Variants in PURG observed in about 807,000 individuals in gnomAD.
The protein encoded by PURG is purine rich element binding protein G, also known as purine-rich element-binding protein gamma.
A neutral mutation model predicts 24.3 loss-of-function variants in PURG; 3 were observed. That is an observed-to-expected ratio of 0.12 (90% CI 0.06 to 0.32). The LOEUF (loss-of-function observed/expected upper bound fraction) is 0.32. PURG is among the 10% of genes least tolerant of loss of function. The probability of loss-of-function intolerance (pLI) is 1.00; values close to 1 mark genes in which losing one functional copy is unlikely to be tolerated. For missense variants in PURG, 371 were observed against 439.1 expected, an observed-to-expected ratio of 0.84 and a Z score of 1.39; for synonymous variants, 180 against 173.1, an observed-to-expected ratio of 1.04 and a Z score of -0.31.
chr8:31,007,721 A>G (rs909314526), intron 1 of PURG, among the ~76,000 whole-genome samples: 3 of 152,176 alleles, frequency 2.0e-5, no homozygotes, highest in Admixed American at 1.3e-4. Flanking sequence ...ATCAAAATCG[A>G]TGGTAGATCT....
chr8:30,996,436 A>G, exon 2 of PURG: 1 of 521,292 alleles, frequency 1.9e-6, no homozygotes, highest in African/African-American at 1.9e-5. Flanking sequence ...ATTATTCAAC[A>G]TAAGATCAGT....
chr8:31,003,049 A>G (rs1201069444), intron 1 of PURG, among the ~76,000 whole-genome samples: 2 of 152,194 alleles, frequency 1.3e-5, no homozygotes, highest in African/African-American at 2.4e-5. Context: ...TCTGGGTTAA[A>G]TTATACCAAC....
Position 31,032,789 on chromosome 8 carries a change from C to T in PURG, c.-6-1G>A. 1 of 1,417,638 alleles carries T rather than the reference C, an allele frequency of 7.1e-7. No homozygotes were observed. Among genetic ancestry groups the T allele is most frequent in the Non-Finnish European group, 9.2e-7 (1 of 1,082,194 alleles). 87.8% of individuals were successfully genotyped at this position (1,417,638 alleles called of 1,614,324 possible). ...TTCGCCTGGCTCTTTCCATCTTCAGCTGCAAGTAACAAACAGACACACGGG... is the reference window on the plus strand; with the variant it reads ...TTCGCCTGGCTCTTTCCATCTTCAGTTGCAAGTAACAAACAGACACACGGG... On this transcript the variant is annotated splice_acceptor_variant, in intron 1 of 1. Coordinates refer to ENST00000523392, the MANE Select transcript of PURG (RefSeq NM_001323311.2). LOFTEE classifies it low-confidence loss of function (5UTR_SPLICE). The surrounding 1 kb of genome is among the most constrained non-coding windows in gnomAD (Gnocchi z 5.9).
In PURG at chr8:31,032,795, G is replaced by T; in HGVS notation, c.-6-7C>A. Reference sequence around the variant, plus strand: ...TGGCTCTTTCCATCTTCAGCTGCAAGTAACAAACAGACACACGGGATGGGG... The same window carrying T: ...TGGCTCTTTCCATCTTCAGCTGCAATTAACAAACAGACACACGGGATGGGG... On this transcript the variant is annotated splice_region_variant and splice_polypyrimidine_tract_variant and intron_variant, in intron 1 of 1. Coordinates refer to ENST00000523392, the MANE Select transcript of PURG (RefSeq NM_001323311.2). This position sits in a 1 kb window ranked among gnomAD's most constrained non-coding sequence, Gnocchi z 5.9. 1 of 1,411,732 alleles carries T rather than the reference G, an allele frequency of 7.1e-7. No individual in the cohort carries two copies. The highest frequency in any genetic ancestry group is 2.9e-5 in the Admixed American group (1 of 34,350). The allele number at this position is 1,411,732 out of a possible 1,614,324, so 87.5% of individuals were successfully genotyped here.
intron 1 of PURG, among the ~76,000 whole-genome samples, chr8:31,021,672 T>A (rs1237452592): frequency 1.3e-5 from 2 of 152,184 alleles, no homozygotes; most frequent in Non-Finnish European, 2.9e-5. Flanking sequence ...CAGTTTGGCC[T>A]AACTGAACGG....
chr8:31,014,726 T>C (rs752813539), intron 1 of PURG, among the ~76,000 whole-genome samples: 3 of 152,156 alleles, frequency 2.0e-5, no homozygotes, highest in Non-Finnish European at 2.9e-5. Context: ...AGTGTTATGG[T>C]AAAACAGTCT....
intron 1 of PURG, among the ~76,000 whole-genome samples, chr8:31,003,050 T>C (rs1810570352): frequency 6.6e-6 from 1 of 152,228 alleles, no homozygotes; most frequent in African/African-American, 2.4e-5. Context: ...CTGGGTTAAA[T>C]TATACCAACA....
intron 1 of PURG, among the ~76,000 whole-genome samples, chr8:31,009,750 G>C (rs2725376): frequency 0.78 from 118,150 of 152,232 alleles, 46,893 homozygotes; most frequent in African/African-American, 0.95. Context: ...CAACTGTAAT[G>C]ATGGTACTGA....
In PURG at chr8:31,032,820, G is replaced by GT; in HGVS notation, c.-6-33dup. Reference sequence around the variant, plus strand: ...GTAACAAACAGACACACGGGATGGGGTGGGGGAGGGGTGTTGAGAACAATC... The same window carrying GT: ...GTAACAAACAGACACACGGGATGGGGTTGGGGGAGGGGTGTTGAGAACAATC... On this transcript the variant is annotated intron_variant, in intron 1 of 1. Coordinates refer to ENST00000523392, the MANE Select transcript of PURG (RefSeq NM_001323311.2). This position sits in a 1 kb window ranked among gnomAD's most constrained non-coding sequence, Gnocchi z 5.9. 2 of 1,356,322 alleles carry GT rather than the reference G, an allele frequency of 1.5e-6. No individual in the cohort carries two copies. Among genetic ancestry groups the GT allele is most frequent in the Non-Finnish European group, 1.9e-6 (2 of 1,049,382 alleles). The allele number at this position is 1,356,322 out of a possible 1,614,324, so 84.0% of individuals were successfully genotyped here. A position where few individuals can be genotyped will look rare whatever the true frequency, so the allele number is the denominator to read the frequency against.
At chr8:31,017,839 G>T (rs917049283) in intron 1 of PURG, among the ~76,000 whole-genome samples, 2 of 152,106 alleles carry the variant, frequency 1.3e-5, no homozygotes, top group African/African-American at 2.4e-5. Flanking sequence ...AATGGAGAAA[G>T]ATATTATAGA....
At chr8:31,006,455 G>A (rs977670625) in intron 1 of PURG, among the ~76,000 whole-genome samples, 3 of 152,166 alleles carry the variant, frequency 2.0e-5, no homozygotes, top group African/African-American at 7.2e-5. Context: ...TTAGCGAGGC[G>A]TGGTGGTGGG....
chr8:30,996,581 G>A (rs1057034033), exon 2 of PURG: 2 of 1,575,836 alleles, frequency 1.3e-6, no homozygotes, highest in African/African-American at 2.7e-5. Flanking sequence ...TGTAACATAA[G>A]AGATTTATTC....
intron 1 of PURG, among the ~76,000 whole-genome samples, chr8:31,015,197 G>A (rs1810837247): frequency 6.6e-6 from 1 of 152,192 alleles, no homozygotes; most frequent in South Asian, 2.1e-4. Flanking sequence ...AATGGATATA[G>A]CTTTTCAGTT....
At chr8:31,017,302 T>C (rs1391698875) in intron 1 of PURG, among the ~76,000 whole-genome samples, 2 of 152,068 alleles carry the variant, frequency 1.3e-5, no homozygotes, top group East Asian at 1.9e-4. Flanking sequence ...GTGAATAGGA[T>C]TGGGATCTCT....
downstream of PURG, among the ~76,000 whole-genome samples, chr8:31,027,019 A>AT (rs1384070580): frequency 1.3e-5 from 2 of 151,630 alleles, no homozygotes; most frequent in Non-Finnish European, 3.0e-5. Flanking sequence ...GGAAAAACAC[A>AT]TTTTCCCTGA....
chr8:31,013,178 T>C (rs1240873369), intron 1 of PURG, among the ~76,000 whole-genome samples: 3 of 152,150 alleles, frequency 2.0e-5, no homozygotes, highest in Non-Finnish European at 4.4e-5. Context: ...AATATAATAT[T>C]TGGGCCTTTG....
rs1237639873 is a variant in PURG, at chr8:31,019,374, C to A, written c.864+12545G>T. Reference sequence around the variant, plus strand: ...TTTTAGAGGGAGTCTTGCTCTGTTGCCCAGGCTGGAGTCTAGTGGCTCAAT... The same window carrying A: ...TTTTAGAGGGAGTCTTGCTCTGTTGACCAGGCTGGAGTCTAGTGGCTCAAT... On this transcript the variant is annotated intron_variant, in intron 1 of 1. Transcript: ENST00000339382. Among the ~76,000 whole-genome samples, 9 of 122,504 alleles carry A rather than the reference C, an allele frequency of 7.3e-5. No homozygotes were observed. The East Asian group carries it at 1.9e-3, about 25-fold the overall frequency. The allele number at this position is 122,504 out of a possible 152,430, so 80.4% of individuals were successfully genotyped here.
At chr8:31,000,750 A>G (rs1225403067) in intron 1 of PURG, among the ~76,000 whole-genome samples, 1 of 152,196 alleles carries the variant, frequency 6.6e-6, no homozygotes, top group East Asian at 1.9e-4. Flanking sequence ...GACTATATAG[A>G]AGCATGTTAA....
intron 1 of PURG, among the ~76,000 whole-genome samples, chr8:31,013,735 C>A (rs1478678270): frequency 6.6e-6 from 1 of 152,086 alleles, no homozygotes; most frequent in Non-Finnish European, 1.5e-5. Context: ...GAAACTGTCT[C>A]AAAAAATAAA....
Sources: gnomAD v4.1 joint callset for allele counts (sites outside exome capture counted in the v4.1 genomes callset) on GRCh38, gnomAD v4.1.1 for gene constraint, Gnocchi (gnomAD v3.1) non-coding constraint, MANE v1.5 for transcripts, NCBI Gene and HGNC (gene_info 2026-07-23, HGNC 2026-07-21) for gene names.